The following SLC26A9 variants were observed in gnomAD, a reference collection of about 807,000 sequenced individuals.
SLC26A9 encodes anion transporter/exchanger protein 9.
In SLC26A9, 46 loss-of-function variants were observed where a neutral mutation model predicts 87.1. The observed-to-expected ratio is 0.53, with a 90% CI of 0.42 to 0.67. The LOEUF is 0.67. Among genes scored for constraint, SLC26A9 ranks in the 30% least tolerant of loss-of-function variants. The pLI, the probability that SLC26A9 is intolerant of heterozygous loss-of-function variation, is 0.00. For synonymous variants in SLC26A9, 437 were observed against 409.1 expected, an observed-to-expected ratio of 1.07 and a Z score of -0.82; for missense variants, 927 against 1,018.3, an observed-to-expected ratio of 0.91 and a Z score of 1.22.
At chr1:205,943,288 C>G (rs1203894131) in intron 1 of SLC26A9, 77 bp downstream of exon 1, 2 of 152,234 alleles carry the variant, frequency 1.3e-5, no homozygotes, top group Non-Finnish European at 2.9e-5. Context: ...CATCCCTCCT[C>G]TCGGTACCCC....
rs201910816 is a variant in SLC26A9 at position 205,923,323 on chromosome 1, A to T, written c.1659+12T>A. 3 of 1,613,918 alleles carry T rather than the reference A, an allele frequency of 1.9e-6. No individual in the cohort carries two copies. The highest frequency in any genetic ancestry group is 2.5e-6 in the Non-Finnish European group (3 of 1,179,876). ...TGTCCAGAGCCTCTGGTCGCCAGGG[A>T]CTGAGCCTTACCTTGGCGATGACCT... is the stretch of plus-strand genomic sequence containing the variant. On this transcript the variant is annotated intron_variant, in intron 15 of 20. Transcript: ENST00000367135.
intron 7 of SLC26A9, 101 bp downstream of exon 7, chr1:205,929,103 C>G (rs1463561671): frequency 1.3e-6 from 2 of 1,533,336 alleles, no homozygotes; most frequent in Non-Finnish European, 1.8e-6. Flanking sequence ...GACTTCCTGT[C>G]CCACTGGCTG....
At chr1:205,925,944 C>T (rs1173817820) in intron 12 of SLC26A9, among the ~76,000 whole-genome samples, 3 of 152,124 alleles carry the variant, frequency 2.0e-5, no homozygotes, top group South Asian at 2.1e-4. Context: ...AGAATGTTTG[C>T]GCTCATGCGG....
At chr1:205,937,785 G>A (rs900970028) in intron 1 of SLC26A9, among the ~76,000 whole-genome samples, 2 of 152,084 alleles carry the variant, frequency 1.3e-5, no homozygotes, top group African/African-American at 4.8e-5. Flanking sequence ...CTCAATGAGT[G>A]GGGAGCATGA....
intron 13 of SLC26A9, among the ~76,000 whole-genome samples, chr1:205,923,936 C>T (rs1658954667): frequency 6.6e-6 from 1 of 152,106 alleles, no homozygotes; most frequent in South Asian, 2.1e-4. Flanking sequence ...ATAGGATTCC[C>T]CCAACATTCA....
At chr1:205,929,049 A>G (rs1383778700) in intron 7 of SLC26A9, 140 bp from the exon 8 acceptor site, 5 of 1,451,102 alleles carry the variant, frequency 3.4e-6, no homozygotes, top group Non-Finnish European at 4.7e-6. Flanking sequence ...AGCAGTAGAA[A>G]GAGAGGAAAC....
intron 2 of SLC26A9, among the ~76,000 whole-genome samples, chr1:205,935,403 C>T (rs535645003): frequency 6.6e-6 from 1 of 152,174 alleles, no homozygotes; most frequent in Admixed American, 6.5e-5. Context: ...ATCTACCATG[C>T]CTTAACAAAC....
chr1:205,920,115 C>A (rs1212982188), intron 18 of SLC26A9, 61 bp downstream of exon 18: 1 of 1,602,184 alleles, frequency 6.2e-7, no homozygotes, highest in Non-Finnish European at 8.5e-7. Flanking sequence ...ACCCCACCAA[C>A]CTGTTCCTAC....
In SLC26A9 at chr1:205,927,908, C is replaced by T. The variant is rs370438970; in HGVS notation, c.1095G>A (p.Ser365=). 1.5e-5 allele frequency: 25 copies of T among 1,613,828 alleles called. No individual in the cohort carries two copies. The highest frequency in any genetic ancestry group is 6.7e-5 in the East Asian group (3 of 44,890). The part of the protein sequence containing the change: ...LANKHGYDVD[S]NQEMIALGCS... ...CGGGGGTGGCCAGAGCTACCTGGTT[C>T]GAATCCACGTCGTAGCCGTGCTTGT... is the stretch of plus-strand genomic sequence containing the variant. Residue 365 remains serine, a synonymous_variant, in exon 9 of 21, where the codon TCG becomes TCA. Transcript: ENST00000367135.
In SLC26A9 at chr1:205,918,706, C is replaced by G; in HGVS notation, c.2256+134G>C. ...GGTGCTCATTCTATAGATAAGGAAACAGATTCAGAAAACTGAAATGGCAGA... is the reference window on the plus strand; with the variant it reads ...GGTGCTCATTCTATAGATAAGGAAAGAGATTCAGAAAACTGAAATGGCAGA... On this transcript the variant is annotated intron_variant, in intron 19 of 20. Transcript: ENST00000367135. 3 of 1,159,664 alleles carry G rather than the reference C, an allele frequency of 2.6e-6. No individual in the cohort carries two copies. In the East Asian group the frequency reaches 7.2e-5, roughly 28 times the overall value. 71.8% of individuals were successfully genotyped at this position (1,159,664 alleles called of 1,614,324 possible). A position where few individuals can be genotyped will look rare whatever the true frequency, so the allele number is the denominator to read the frequency against.
chr1:205,921,776 G>C lies in SLC26A9; in HGVS notation c.1845C>G (p.Thr615=). Residue 615 remains threonine (T), a synonymous_variant, in exon 17 of 21, where the codon ACC becomes ACG. Transcript: ENST00000367135. ...AGGACACGCTGGTGCCGTTAGCCGG[G>C]GTCTGGTTGTTGTTGGGGTCGGTGG... ...APPTDPNNNQ[T]PANGTSVSYI... is the part of the protein sequence containing the mutation. The C allele has an allele frequency of 6.2e-7, 1 of 1,604,240 alleles. No homozygotes were observed. The highest frequency in any genetic ancestry group is 1.7e-5 in the Admixed American group (1 of 58,508).
intron 2 of SLC26A9, 57 bp downstream of exon 2, chr1:205,935,639 A>C: frequency 6.2e-7 from 1 of 1,608,194 alleles, no homozygotes; most frequent in Non-Finnish European, 8.5e-7. Context: ...GTCCTGGTGC[A>C]GAAAGGATTT....
rs1290971983 is a variant in SLC26A9 at position 205,915,230 on chromosome 1, GAGAGGAACCCA to G, written c.*116_*126del. ...GAAGGGAGGAGAGAGGGGGAGAGGAGAGAGGAACCCAAGCTCTGGGGGATGCACTTTCCTCC... is the reference window on the plus strand; with the variant it reads ...GAAGGGAGGAGAGAGGGGGAGAGGAGAGCTCTGGGGGATGCACTTTCCTCC... On this transcript the variant is annotated 3_prime_UTR_variant, in exon 21 of 21. Transcript: ENST00000367135. 3.1e-6 allele frequency: 5 copies of G among 1,602,996 alleles called. No individual in the cohort carries two copies. The highest frequency in any genetic ancestry group is 4.3e-6 in the Non-Finnish European group (5 of 1,173,402).
In SLC26A9 at chr1:205,915,244, C is replaced by T; in HGVS notation, c.*113G>A. ...GGGGGAGAGGAGAGAGGAACCCAAG[C>T]TCTGGGGGATGCACTTTCCTCCGCC... On this transcript the variant is annotated 3_prime_UTR_variant, in exon 21 of 21. Coordinates refer to ENST00000367135, the MANE Select transcript of SLC26A9 (RefSeq NM_052934.4). 6.3e-7 allele frequency: 1 copy of T among 1,599,702 alleles called. No homozygotes were observed.
chr1:205,938,117 C>G (rs6696811), intron 1 of SLC26A9, among the ~76,000 whole-genome samples: 4,755 of 152,070 alleles, frequency 0.031, 226 homozygotes, highest in African/African-American at 0.1. Context: ...AGCCCCCGTC[C>G]CCAGGATTTC....
chr1:205,923,093 T>C lies in SLC26A9; in HGVS notation c.1762A>G (p.Met588Val), dbSNP rs1658908554. 1.2e-6 allele frequency: 2 copies of C among 1,614,086 alleles called. No homozygotes were observed. Among genetic ancestry groups the C allele is most frequent in the East Asian group, 2.2e-5 (1 of 44,888 alleles). Residue 588 changes from methionine to valine, a missense_variant, in exon 16 of 21, where the codon ATG (methionine) becomes GTG (valine). Met to Val is a conservative substitution (Grantham distance 21, BLOSUM62 1). Transcript: ENST00000367135. Reference protein sequence around the residue: ...RPTQQRRSLFMKTKTVSLQEL... With the variant: ...RPTQQRRSLFVKTKTVSLQEL... ...TGGCCTTCATTCACCTTGGTTTTCA[T>C]GAATAGAGACCTCCTCTGTTGTGTG... is the stretch of plus-strand genomic sequence containing the variant.
intron 19 of SLC26A9, 94 bp from the exon 20 acceptor site, chr1:205,917,448 G>C (rs570449309): frequency 2.5e-6 from 3 of 1,213,430 alleles, no homozygotes; most frequent in Non-Finnish European, 3.7e-6. Flanking sequence ...GGCCGGCTCT[G>C]GTTGGACGCT....
Position 205,923,072 on chromosome 1 carries a change from C to T in SLC26A9, c.1773+10G>A. On this transcript the variant is annotated intron_variant, in intron 16 of 20. Transcript: ENST00000367135. ...AGCAGGGCACGGGGCTGCTTCTGGCCTTCATTCACCTTGGTTTTCATGAAT... is the reference window on the plus strand; with the variant it reads ...AGCAGGGCACGGGGCTGCTTCTGGCTTTCATTCACCTTGGTTTTCATGAAT... 2 of 1,612,658 alleles carry T rather than the reference C, an allele frequency of 1.2e-6. No homozygotes were observed. Among genetic ancestry groups the T allele is most frequent in the Admixed American group, 1.7e-5 (1 of 60,000 alleles).
rs753420797 is a variant in SLC26A9, at chr1:205,915,068, G to A, written c.*289C>T. 14 of 1,614,058 alleles carry A rather than the reference G, an allele frequency of 8.7e-6. No individual in the cohort carries two copies. The East Asian group carries it at 2.2e-4, about 26-fold the overall frequency. ...GCCAAGGACAGGGCAGAGGTGGGTG[G>A]GGTGGAGTGAGCAGGAGGCTTGTCC... On this transcript the variant is annotated 3_prime_UTR_variant, in exon 21 of 21. Coordinates refer to ENST00000367135, the MANE Select transcript of SLC26A9 (RefSeq NM_052934.4).
Sources: gnomAD v4.1 joint callset for allele counts (sites outside exome capture counted in the v4.1 genomes callset) on GRCh38, gnomAD v4.1.1 for gene constraint, MANE v1.5 for transcripts, NCBI Gene and HGNC (gene_info 2026-07-23, HGNC 2026-07-21) for gene names.